RUSC2: variants seen among roughly 807,000 people sequenced by gnomAD.
RUSC2 encodes RUN and SH3 domain containing 2.
RUSC2 carries 34 observed loss-of-function variants against 122.2 expected under a neutral mutation model. The ratio of observed to expected loss-of-function variants is 0.28; its 90% CI spans 0.21 to 0.37. The LOEUF (loss-of-function observed/expected upper bound fraction) is 0.37, where lower values mean the gene tolerates loss of function less well. RUSC2 is among the 10% of genes least tolerant of loss of function. The pLI, the probability that RUSC2 is intolerant of heterozygous loss-of-function variation, is 1.00. For synonymous variants in RUSC2, 784 were observed against 790.0 expected (o/e 0.99, Z 0.13); for missense variants, 1,747 against 1,952.4 (o/e 0.89, Z 1.98).
chr9:35,520,012 C>G (rs1278777767), intron 1 of RUSC2, among the ~76,000 whole-genome samples: 1 of 152,202 alleles, frequency 6.6e-6, no homozygotes, highest in African/African-American at 2.4e-5. Flanking sequence ...GGCCAGGCTT[C>G]AGCTACCTGC....
chr9:35,526,141 C>T (rs1200168096), intron 1 of RUSC2, among the ~76,000 whole-genome samples: 1 of 152,088 alleles, frequency 6.6e-6, no homozygotes, highest in Non-Finnish European at 1.5e-5. Flanking sequence ...CCTTCAACTC[C>T]CCATAAAGTA....
intron 5 of RUSC2, 146 bp downstream of exon 5, chr9:35,556,594 G>C: frequency 1.2e-6 from 1 of 822,040 alleles, no homozygotes. Context: ...GGAGGCCAAG[G>C]CAGGTGGATC....
At chr9:35,512,686 AT>A (rs1441010734) in intron 1 of RUSC2, among the ~76,000 whole-genome samples, 1 of 152,198 alleles carries the variant, frequency 6.6e-6, no homozygotes, top group African/African-American at 2.4e-5. Context: ...AAATGGGATC[AT>A]ACCATGAGTT....
chr9:35,531,689 T>C (rs1438196729), intron 1 of RUSC2, among the ~76,000 whole-genome samples: 1 of 152,156 alleles, frequency 6.6e-6, no homozygotes, highest in African/African-American at 2.4e-5. Flanking sequence ...AATGAGATAA[T>C]GTAAGTAAGT....
intron 1 of RUSC2, among the ~76,000 whole-genome samples, chr9:35,517,785 G>A (rs977390640): frequency 1.1e-4 from 16 of 152,272 alleles, no homozygotes; most frequent in South Asian, 2.1e-4. Context: ...AGGCCAGGGC[G>A]CTCTGCCTGC....
Position 35,547,175 on chromosome 9 carries a change from C to A in RUSC2, c.654C>A (p.Ser218Arg), listed in dbSNP as rs777809291. The change falls in exon 2 of 12, where the codon AGC (serine) becomes AGA (arginine). Residue 218 changes from serine to arginine, a missense_variant. By Grantham distance (110) the Ser-to-Arg change is moderately radical (BLOSUM62 -1). Coordinates refer to ENST00000361226, the MANE Select transcript of RUSC2 (RefSeq NM_014806.5). This position sits in a 1 kb window ranked among gnomAD's most constrained non-coding sequence, Gnocchi z 4.6. Reference sequence around the variant, plus strand: ...GGAGTGGCAGTGGGGGTGGAGCCAGCGATACCTCTGGCTTTTCCTTTGACC... The same window carrying A: ...GGAGTGGCAGTGGGGGTGGAGCCAGAGATACCTCTGGCTTTTCCTTTGACC... ...PGGSGSGGGASDTSGFSFDQE... is the reference protein window; with the variant it reads ...PGGSGSGGGARDTSGFSFDQE... 6.2e-7 allele frequency: 1 copy of A among 1,614,098 alleles called. No individual in the cohort carries two copies. Among genetic ancestry groups the A allele is most frequent in the Non-Finnish European group, 8.5e-7 (1 of 1,179,998 alleles).
chr9:35,503,308 C>T (rs72725051), intron 1 of RUSC2, among the ~76,000 whole-genome samples: 20 of 152,230 alleles, frequency 1.3e-4, no homozygotes, highest in Non-Finnish European at 1.9e-4. Context: ...ATCATTCTTA[C>T]GCCTTTGAAT....
At position 35,555,780 on chromosome 9, in the gene RUSC2, T is replaced by C. The variant is rs1235180457; in HGVS notation, c.2656+79T>C. 3 of 1,502,476 alleles carry C rather than the reference T, an allele frequency of 2.0e-6. No homozygotes were observed. Among genetic ancestry groups the C allele is most frequent in the Non-Finnish European group, 2.7e-6 (3 of 1,124,466 alleles). The allele number at this position is 1,502,476 out of a possible 1,614,324, so 93.1% of individuals were successfully genotyped here. The stretch of plus-strand genomic sequence containing the variant: ...ACCACCTCCCCTTTGAGTGGTTGCT[T>C]ACACTCTCACCTGGGGCCAGAGGTT... On this transcript the variant is annotated intron_variant, in intron 3 of 11. Coordinates refer to ENST00000361226, the MANE Select transcript of RUSC2 (RefSeq NM_014806.5). This position sits in a 1 kb window ranked among gnomAD's most constrained non-coding sequence, Gnocchi z 4.6.
At chr9:35,550,607 C>T (rs1000322870) in intron 2 of RUSC2, among the ~76,000 whole-genome samples, 12 of 151,694 alleles carry the variant, frequency 7.9e-5, no homozygotes, top group African/African-American at 2.9e-4. Context: ...GCTTGGGAAA[C>T]AGAGTGAGAC....
At chr9:35,519,507 C>G (rs1314003834) in intron 1 of RUSC2, among the ~76,000 whole-genome samples, 1 of 152,174 alleles carries the variant, frequency 6.6e-6, no homozygotes, top group East Asian at 1.9e-4. Flanking sequence ...TTTTGGAGAG[C>G]CTTGAGGCTC....
At chr9:35,498,583 G>T (rs753233961) in intron 1 of RUSC2, among the ~76,000 whole-genome samples, 1 of 151,874 alleles carries the variant, frequency 6.6e-6, no homozygotes, top group Non-Finnish European at 1.5e-5. Flanking sequence ...AAGAGGCCAG[G>T]CGCGGTGGCT....
intron 1 of RUSC2, among the ~76,000 whole-genome samples, chr9:35,496,095 C>A (rs1261956742): frequency 2.0e-5 from 3 of 152,046 alleles, no homozygotes; most frequent in Non-Finnish European, 4.4e-5. Flanking sequence ...ACTCTCGAGT[C>A]AGTGGTTGAG....
chr9:35,543,247 G>A (rs537682962), intron 1 of RUSC2, among the ~76,000 whole-genome samples: 13 of 152,196 alleles, frequency 8.5e-5, no homozygotes, highest in African/African-American at 3.1e-4. Context: ...GCAACATGGA[G>A]AAACCATGTC....
Position 35,501,596 on chromosome 9 carries a change from C to T in RUSC2, c.-93+11424C>T, listed in dbSNP as rs142222805. 7.9e-5 allele frequency among the ~76,000 whole-genome samples: 12 copies of T among 152,214 alleles called. No homozygotes were observed. In the East Asian group the frequency reaches 2.3e-3, roughly 29 times the overall value. On this transcript the variant is annotated intron_variant, in intron 1 of 11. Transcript: ENST00000361226. ...CATCTCAAAAGAAATGTCACTGATA[C>T]AGATATTTCTTCTACTGAGTTATGA...
At chr9:35,524,895 C>G (rs559551416) in intron 1 of RUSC2, among the ~76,000 whole-genome samples, 1 of 150,876 alleles carries the variant, frequency 6.6e-6, no homozygotes, top group Admixed American at 6.6e-5. Flanking sequence ...GGCGTGAACC[C>G]GGGAGGTGGA....
In RUSC2 at chr9:35,548,879, T is replaced by C. The variant is rs1446843823; in HGVS notation, c.2014+344T>C. ...ACCCCAGCTCTACTAAAATAAAAAA[T>C]AAACTAGCCAGGAGTGGTAGCACCC... On this transcript the variant is annotated intron_variant, in intron 2 of 11. Transcript: ENST00000361226. The surrounding 1 kb of genome is among the most constrained non-coding windows in gnomAD (Gnocchi z 4.5). 1 of 556,830 alleles carries C rather than the reference T, an allele frequency of 1.8e-6. No individual in the cohort carries two copies. The highest frequency in any genetic ancestry group is 2.3e-6 in the Non-Finnish European group (1 of 438,882). The allele number at this position is 556,830 out of a possible 1,614,324, so 34.5% of individuals were successfully genotyped here.
chr9:35,504,568 C>T (rs1057079524), intron 1 of RUSC2, among the ~76,000 whole-genome samples: 5 of 151,518 alleles, frequency 3.3e-5, no homozygotes, highest in African/African-American at 7.3e-5. Flanking sequence ...CAGGTTCAAG[C>T]GATTCTCCTG....
rs915141359 is a variant in RUSC2 at position 35,533,302 on chromosome 9, C to T, written c.-92-13128C>T. 7.3e-5 allele frequency among the ~76,000 whole-genome samples: 11 copies of T among 151,668 alleles called. 1 individual carries two copies. Among genetic ancestry groups the T allele is most frequent in the Admixed American group, 6.6e-4 (10 of 15,210 alleles). On this transcript the variant is annotated intron_variant, in intron 1 of 11. Transcript: ENST00000361226. ...AAAAAAGAAAGAGAGGACTATCTGA[C>T]GTCCTTGGATTGACATGCAGTGATA... is the stretch of plus-strand genomic sequence containing the variant.
chr9:35,528,377 C>A (rs952725283), intron 1 of RUSC2, among the ~76,000 whole-genome samples: 2 of 151,356 alleles, frequency 1.3e-5, no homozygotes, highest in African/African-American at 4.9e-5. Flanking sequence ...GAGTGAGACC[C>A]TATTCCTTTA....
Sources: gnomAD v4.1 joint callset for allele counts (sites outside exome capture counted in the v4.1 genomes callset) on GRCh38, gnomAD v4.1.1 for gene constraint, Gnocchi (gnomAD v3.1) non-coding constraint, MANE v1.5 for transcripts, NCBI Gene and HGNC (gene_info 2026-07-23, HGNC 2026-07-21) for gene names.